APOL3: variants seen among roughly 807,000 people sequenced by gnomAD.
APOL3 encodes apolipoprotein L3, also known as TNF-inducible protein CG12-1.
Under a neutral mutation model 11.6 loss-of-function variants are expected in APOL3, and 14 were observed. That is an observed-to-expected ratio of 1.21 (90% CI 0.80 to 1.89). The LOEUF is 1.89. Ranked by LOEUF, APOL3 falls within the 40% of genes most tolerant of loss-of-function variation. APOL3 has a pLI of 0.00. For missense variants in APOL3, 483 were observed against 492.1 expected (o/e 0.98, Z 0.17); for synonymous variants, 192 against 190.6 (o/e 1.01, Z -0.06).
chr22:36,148,190 C>T (rs2060287528), intron 1 of APOL3, among the ~76,000 whole-genome samples: 1 of 152,222 alleles, frequency 6.6e-6, no homozygotes, highest in Admixed American at 6.5e-5. Context: ...TTCGATTGGA[C>T]CTCAGATTTT....
chr22:36,153,986 A>G (rs1315675619), intron 1 of APOL3, among the ~76,000 whole-genome samples: 1 of 152,242 alleles, frequency 6.6e-6, no homozygotes, highest in African/African-American at 2.4e-5. Flanking sequence ...TTGTCTAAAG[A>G]CCGGAGATCA....
At chr22:36,141,460 C>T (rs1358268883) in exon 3 of APOL3, 3 of 1,614,096 alleles carry the variant, frequency 1.9e-6, no homozygotes, top group Non-Finnish European at 2.5e-6. Context: ...CCACCACTTC[C>T]AGCTGAGATT....
chr22:36,164,416 C>T (rs181866984), upstream of APOL3, among the ~76,000 whole-genome samples: 16 of 152,316 alleles, frequency 1.1e-4, no homozygotes, highest in African/African-American at 3.4e-4. Flanking sequence ...GAGGACCTGT[C>T]GTCTATCTGT....
chr22:36,146,307 C>A (rs1299435909), intron 1 of APOL3: 2 of 151,926 alleles, frequency 1.3e-5, no homozygotes, highest in African/African-American at 4.8e-5. Context: ...AGAAAGTGAG[C>A]TTTCCACCAT....
At chr22:36,145,383 A>G in intron 2 of APOL3, 90 bp downstream of exon 3, 1 of 1,495,320 alleles carries the variant, frequency 6.7e-7, no homozygotes, top group Non-Finnish European at 9.1e-7. Flanking sequence ...GGCTGCCTGG[A>G]GGAGGTGTGC....
intron 1 of APOL3, chr22:36,153,202 T>G (rs2012096806): frequency 4.4e-6 from 1 of 225,024 alleles, no homozygotes; most frequent in African/African-American, 2.3e-5. Context: ...AAATGATTTG[T>G]CTGAACCGTA....
intron 1 of APOL3, chr22:36,149,742 A>G (rs1376594695): frequency 2.3e-6 from 1 of 428,276 alleles, no homozygotes; most frequent in Non-Finnish European, 4.7e-6. Flanking sequence ...CACTCCCTTA[A>G]ATATATAAAA....
intron 1 of APOL3, chr22:36,149,995 A>G: frequency 2.3e-6 from 1 of 438,404 alleles, no homozygotes; most frequent in South Asian, 1.6e-5. Context: ...TTTTTTTTAG[A>G]AATGTGGATC....
At chr22:36,145,558 C>T in exon 2 of APOL3, 1 of 1,614,114 alleles carries the variant, frequency 6.2e-7, no homozygotes. Context: ...CTGACTCTCT[C>T]CCGGAAGTAT....
At chr22:36,153,646 A>C (rs16996427) in intron 1 of APOL3, among the ~76,000 whole-genome samples, 7,346 of 152,236 alleles carry the variant, frequency 0.048, 559 homozygotes, top group African/African-American at 0.17. Context: ...GCTTCCAAAG[A>C]TGTTCAGAGC....
intron 1 of APOL3, among the ~76,000 whole-genome samples, chr22:36,147,973 C>T (rs190611858): frequency 5.2e-4 from 79 of 152,286 alleles, no homozygotes; most frequent in African/African-American, 1.7e-3. Context: ...AGCTGACAGA[C>T]GGGTACACGA....
intron 1 of APOL3, among the ~76,000 whole-genome samples, chr22:36,151,441 A>G (rs906952213): frequency 6.6e-6 from 1 of 151,704 alleles, no homozygotes; most frequent in East Asian, 2.0e-4. Context: ...AAATGAGAAC[A>G]TTATGTACTG....
upstream of APOL3, chr22:36,165,454 G>T (rs1190052718): frequency 2.0e-5 from 3 of 152,112 alleles, no homozygotes; most frequent in South Asian, 6.2e-4. Flanking sequence ...TTACAGACAG[G>T]GCCAACAAGT....
At chr22:36,146,610 A>C (rs129603) in intron 1 of APOL3, among the ~76,000 whole-genome samples, 59,454 of 151,380 alleles carry the variant, frequency 0.39, 13,083 homozygotes, top group East Asian at 0.84. Flanking sequence ...TTCCTGGGAT[A>C]TAGATGTGTT....
chr22:36,160,582 C>T (rs905723106), intron 1 of APOL3, 87 bp downstream of exon 1: 1 of 1,392,454 alleles, frequency 7.2e-7, no homozygotes, highest in Non-Finnish European at 1.0e-6. Context: ...CCTCTCTGAG[C>T]TCATCTACAA....
upstream of APOL3, chr22:36,161,013 G>A (rs1169865523): frequency 7.2e-6 from 6 of 829,150 alleles, no homozygotes; most frequent in East Asian, 2.7e-5. Context: ...GTGTCTTCAG[G>A]AAGAAAGACC....
intron 1 of APOL3, among the ~76,000 whole-genome samples, chr22:36,147,516 A>T (rs2060264437): frequency 6.6e-6 from 1 of 152,160 alleles, no homozygotes; most frequent in Admixed American, 6.5e-5. Context: ...CCCGGCTTCT[A>T]ATCTTCCCTG....
exon 3 of APOL3, chr22:36,141,245 C>T (rs2059972504): frequency 1.2e-6 from 2 of 1,614,074 alleles, no homozygotes; most frequent in Non-Finnish European, 1.7e-6. Context: ...TCTGAGTGAG[C>T]TCCATTAGAT....
chr22:36,165,962 C>A (rs2013849176), exon 1 of APOL3: 1 of 152,158 alleles, frequency 6.6e-6, no homozygotes, highest in Non-Finnish European at 1.5e-5. Context: ...CTAAGTTTAG[C>A]CCCAGAACCG....
Sources: allele counts gnomAD v4.1 joint callset (sites outside exome capture counted in the v4.1 genomes callset), GRCh38; gene constraint gnomAD v4.1.1; transcripts MANE v1.5; gene names NCBI Gene and HGNC (gene_info 2026-07-23, HGNC 2026-07-21).